Variants in SLC13A1 observed in about 807,000 individuals in gnomAD.
SLC13A1 encodes Na(+)/sulfate cotransporter.
SLC13A1 carries 65 observed loss-of-function variants against 70.0 expected under a neutral mutation model. That is an observed-to-expected ratio of 0.93 (90% CI 0.76 to 1.14). The LOEUF (loss-of-function observed/expected upper bound fraction) is 1.14. Ranked by LOEUF, SLC13A1 falls within the 50% of genes most tolerant of loss-of-function variation. The pLI is 0.00. For synonymous variants in SLC13A1, 275 were observed against 250.5 expected (o/e 1.10, Z -0.92); for missense variants, 726 against 717.8 (o/e 1.01, Z -0.13).
chr7:123,182,627 T>A (rs973383392), intron 1 of SLC13A1, among the ~76,000 whole-genome samples: 2 of 151,998 alleles, frequency 1.3e-5, no homozygotes, highest in African/African-American at 4.8e-5. Flanking sequence ...TGCTAAAACA[T>A]CAAAAAATAA....
intron 12 of SLC13A1, among the ~76,000 whole-genome samples, chr7:123,122,205 C>T (rs966909738): frequency 3.9e-5 from 6 of 152,004 alleles, no homozygotes; most frequent in African/African-American, 1.4e-4. Context: ...GGAGTATCTT[C>T]CAATAAGTTA....
chr7:123,195,453 G>C (rs1433706720), intron 1 of SLC13A1, among the ~76,000 whole-genome samples: 1 of 151,188 alleles, frequency 6.6e-6, no homozygotes, highest in East Asian at 1.9e-4. Context: ...TTCACTTATA[G>C]TCTTTTTAAA....
chr7:123,127,964 A>G (rs1295519912), intron 10 of SLC13A1, among the ~76,000 whole-genome samples: 5 of 151,408 alleles, frequency 3.3e-5, no homozygotes, highest in Admixed American at 2.6e-4. Context: ...CAAATCTCAC[A>G]ACTGAGTTAT....
intron 14 of SLC13A1, among the ~76,000 whole-genome samples, chr7:123,115,940 C>G (rs73217753): frequency 0.1 from 15,325 of 152,158 alleles, 905 homozygotes; most frequent in Non-Finnish European, 0.13. Flanking sequence ...CTGTCTCCAA[C>G]TAAACATCGT....
rs376563614 is a variant in SLC13A1, at chr7:123,199,941, T to G, written c.6A>C (p.Lys2Asn). 4.3e-5 allele frequency: 70 copies of G among 1,612,012 alleles called. No individual in the cohort carries two copies. In the African/African-American group the frequency reaches 8.7e-4, roughly 20 times the overall value. Reference protein sequence around the residue: MKFFSYILVYRR... With the variant: MNFFSYILVYRR... Reference sequence around the variant, plus strand: ...GATAAACCAGAATGTAACTGAAGAATTTCATTGTCCTGAGCAGGTGGCTTC... The same window carrying G: ...GATAAACCAGAATGTAACTGAAGAAGTTCATTGTCCTGAGCAGGTGGCTTC... The change falls in exon 1 of 15, where the codon AAA (lysine) becomes AAC (asparagine). Residue 2 changes from lysine to asparagine, a missense_variant. Transcript: ENST00000194130.
chr7:123,160,946 G>A (rs1184816066), intron 6 of SLC13A1, among the ~76,000 whole-genome samples: 5 of 151,760 alleles, frequency 3.3e-5, no homozygotes, highest in Admixed American at 3.3e-4. Flanking sequence ...TACTTTGGAA[G>A]AGAGGAAAAA....
intron 3 of SLC13A1, among the ~76,000 whole-genome samples, 161 bp from the exon 4 acceptor site, chr7:123,169,496 C>T (rs191428085): frequency 3.3e-5 from 5 of 152,080 alleles, no homozygotes; most frequent in African/African-American, 1.2e-4. Context: ...ATTGGAGTAC[C>T]GTGACAGCCA....
At chr7:123,173,575 A>AT (rs34788935) in intron 2 of SLC13A1, among the ~76,000 whole-genome samples, 62,454 of 151,804 alleles carry the variant, frequency 0.41, 12,888 homozygotes, top group African/African-American at 0.44. Flanking sequence ...AATAGGTCCT[A>AT]TATTTTTCTG....
intron 11 of SLC13A1, 76 bp downstream of exon 11, chr7:123,125,493 G>T: frequency 9.5e-7 from 1 of 1,049,450 alleles, no homozygotes; most frequent in Non-Finnish European, 1.4e-6. Context: ...TGCTCTAGGT[G>T]CCAAGCGAAA....
intron 6 of SLC13A1, among the ~76,000 whole-genome samples, chr7:123,166,946 C>T (rs1795097540): frequency 1.3e-5 from 2 of 152,272 alleles, no homozygotes; most frequent in Non-Finnish European, 2.9e-5. Context: ...TGAAAAAATG[C>T]TCATCATCAC....
intron 1 of SLC13A1, chr7:123,190,692 A>C (rs1199574374): frequency 4.4e-6 from 2 of 456,332 alleles, no homozygotes; most frequent in South Asian, 3.1e-5. Context: ...GTTGAGAATA[A>C]GCTGTTGAGC....
chr7:123,163,019 T>C (rs1472488289), intron 6 of SLC13A1, among the ~76,000 whole-genome samples: 2 of 152,114 alleles, frequency 1.3e-5, no homozygotes, highest in South Asian at 2.1e-4. Flanking sequence ...GGTTTAGAAA[T>C]TGAGCTGATG....
intron 12 of SLC13A1, among the ~76,000 whole-genome samples, chr7:123,119,798 T>A (rs537419700): frequency 8.7e-4 from 133 of 152,136 alleles, no homozygotes; most frequent in African/African-American, 2.9e-3. Context: ...ATATTTTTTG[T>A]TTCTTCATTC....
At chr7:123,131,738 AGCATGAATCTGTGCAGT>A (rs6150331) in intron 8 of SLC13A1, among the ~76,000 whole-genome samples, 4,437 of 152,264 alleles carry the variant, frequency 0.029, 201 homozygotes, top group African/African-American at 0.1. Context: ...AATTAGCTGG[AGCATGAATCTGTGCAGT>A]GTTTAACAGA....
At chr7:123,192,267 C>T (rs1796020417) in intron 1 of SLC13A1, among the ~76,000 whole-genome samples, 2 of 152,284 alleles carry the variant, frequency 1.3e-5, no homozygotes, top group South Asian at 4.1e-4. Flanking sequence ...TCTTAACCAC[C>T]TCAAGTGCAC....
chr7:123,157,937 A>G (rs1290162655), intron 6 of SLC13A1, among the ~76,000 whole-genome samples: 24 of 152,138 alleles, frequency 1.6e-4, no homozygotes, highest in Admixed American at 1.5e-3. Flanking sequence ...AATTAAGGGA[A>G]AACAATATCC....
chr7:123,130,259 G>A (rs1231911516), intron 8 of SLC13A1, among the ~76,000 whole-genome samples: 2 of 152,096 alleles, frequency 1.3e-5, no homozygotes, highest in African/African-American at 4.8e-5. Context: ...AATGATACAT[G>A]CATACATATG....
Position 123,145,713 on chromosome 7 carries a change from G to C in SLC13A1, c.812+1446C>G, listed in dbSNP as rs142739531. Among the ~76,000 whole-genome samples, 167 of 152,240 alleles carry C rather than the reference G, an allele frequency of 1.1e-3. 1 individual carries two copies. Among genetic ancestry groups the C allele is most frequent in the African/African-American group, 3.7e-3 (152 of 41,540 alleles). ...TTTCTAAGTCAGTAATTGGAGTGTA[G>C]ATAATGGATGTGTATTCATAGAAAC... On this transcript the variant is annotated intron_variant, in intron 7 of 14. Coordinates refer to ENST00000194130, the MANE Select transcript of SLC13A1 (RefSeq NM_022444.4).
At chr7:123,125,470 T>C (rs757379571) in intron 11 of SLC13A1, 99 bp downstream of exon 11, 4 of 821,632 alleles carry the variant, frequency 4.9e-6, no homozygotes, top group African/African-American at 1.7e-5. Flanking sequence ...TGTGCCAGCA[T>C]AGACTTTCTT....
Sources: allele counts gnomAD v4.1 joint callset (sites outside exome capture counted in the v4.1 genomes callset), GRCh38; gene constraint gnomAD v4.1.1; transcripts MANE v1.5; gene names NCBI Gene and HGNC (gene_info 2026-07-23, HGNC 2026-07-21).